Variants in MKNK1 observed in about 807,000 individuals in gnomAD.
MKNK1 encodes the protein MAP kinase-interacting serine/threonine-protein kinase 1.
In MKNK1, 30 loss-of-function variants were observed where a neutral mutation model predicts 49.3. That is an observed-to-expected ratio of 0.61 (90% confidence interval 0.46 to 0.83). The LOEUF (loss-of-function observed/expected upper bound fraction) is 0.83, where lower values mean the gene tolerates loss of function less well. Among genes scored for constraint, MKNK1 ranks in the 40% least tolerant of loss-of-function variants. The pLI, the probability that MKNK1 is intolerant of heterozygous loss-of-function variation, is 0.00. For missense variants in MKNK1, 423 were observed against 524.7 expected, an observed-to-expected ratio of 0.81 and a Z score of 1.89; for synonymous variants, 176 against 201.7, an observed-to-expected ratio of 0.87 and a Z score of 1.08.
At chr1:46,568,285 G>C (rs1669450150) in intron 8 of MKNK1, 158 bp downstream of exon 8, 2 of 671,650 alleles carry the variant, frequency 3.0e-6, no homozygotes, top group Non-Finnish European at 5.2e-6. Context: ...AGGATGGGCA[G>C]AAACATCACA....
At chr1:46,562,598 C>A in intron 10 of MKNK1, 51 bp downstream of exon 10, 2 of 1,515,574 alleles carry the variant, frequency 1.3e-6, no homozygotes, top group Non-Finnish European at 1.8e-6. Flanking sequence ...ATCCCCCAAC[C>A]ACACTGACCC....
At chr1:46,600,624 G>A (rs185855758) in intron 1 of MKNK1, among the ~76,000 whole-genome samples, 3 of 152,194 alleles carry the variant, frequency 2.0e-5, no homozygotes, top group African/African-American at 4.8e-5. Flanking sequence ...TCTCACTCAC[G>A]GAGATCTGGG....
At chr1:46,602,694 T>C (rs1674898744) in intron 1 of MKNK1, among the ~76,000 whole-genome samples, 1 of 150,880 alleles carries the variant, frequency 6.6e-6, no homozygotes, top group Non-Finnish European at 1.5e-5. Flanking sequence ...GTGTATTTTA[T>C]GTGTGGCCCA....
At chr1:46,588,344 A>G (rs1044014362) in intron 2 of MKNK1, among the ~76,000 whole-genome samples, 1 of 152,200 alleles carries the variant, frequency 6.6e-6, no homozygotes, top group Non-Finnish European at 1.5e-5. Context: ...TTTCTCTAAT[A>G]CACATTGGAA....
At chr1:46,559,869 C>T (rs949326907) in intron 12 of MKNK1, 1 of 329,934 alleles carries the variant, frequency 3.0e-6, no homozygotes, top group Non-Finnish European at 5.8e-6. Flanking sequence ...CCGTACGTGC[C>T]CCTCACTTCT....
At chr1:46,597,198 G>A (rs866376365) in intron 1 of MKNK1, among the ~76,000 whole-genome samples, 5 of 151,514 alleles carry the variant, frequency 3.3e-5, no homozygotes, top group African/African-American at 7.3e-5. Context: ...TGGGCCTGGC[G>A]AGGCACCCAA....
intron 1 of MKNK1, among the ~76,000 whole-genome samples, chr1:46,600,713 G>A (rs1474603547): frequency 1.3e-5 from 2 of 152,326 alleles, no homozygotes; most frequent in East Asian, 3.9e-4. Context: ...ACCCAGAGTT[G>A]TGGAATTGGA....
chr1:46,594,564 C>T (rs944862848), intron 1 of MKNK1, among the ~76,000 whole-genome samples: 3 of 152,170 alleles, frequency 2.0e-5, no homozygotes, highest in Admixed American at 6.6e-5. Context: ...CCATTAAGCA[C>T]TGGAAGATTT....
intron 7 of MKNK1, chr1:46,569,608 T>C (rs1669738756): frequency 6.6e-6 from 1 of 152,264 alleles, no homozygotes; most frequent in South Asian, 2.1e-4. Flanking sequence ...AGTCCTCCGA[T>C]TCCCGACTAG....
At chr1:46,593,135 A>C (rs1673568691) in intron 2 of MKNK1, among the ~76,000 whole-genome samples, 2 of 152,190 alleles carry the variant, frequency 1.3e-5, no homozygotes. Context: ...GTAACACAGA[A>C]CACTTCAAAA....
chr1:46,564,782 G>C (rs921583014), intron 9 of MKNK1, among the ~76,000 whole-genome samples: 1 of 152,052 alleles, frequency 6.6e-6, no homozygotes, highest in Non-Finnish European at 1.5e-5. Context: ...GCCAGCCTGT[G>C]CTTATAGATA....
chr1:46,559,039 C>G (rs187322873), intron 12 of MKNK1, among the ~76,000 whole-genome samples: 257 of 152,330 alleles, frequency 1.7e-3, no homozygotes, highest in African/African-American at 6.1e-3. Context: ...CAAGCTCCCC[C>G]TTCTCCTCAG....
chr1:46,564,951 T>C, intron 9 of MKNK1, 90 bp downstream of exon 9: 1 of 1,285,164 alleles, frequency 7.8e-7, no homozygotes, highest in Non-Finnish European at 1.1e-6. Flanking sequence ...TCCACTTGGT[T>C]TTCCATCCTT....
Position 46,572,067 on chromosome 1 carries a change from G to T in MKNK1, c.453C>A (p.Thr151=). 6.2e-7 allele frequency: 1 copy of T among 1,613,920 alleles called. No homozygotes were observed. Among genetic ancestry groups the T allele is most frequent in the South Asian group, 1.1e-5 (1 of 91,068 alleles). The change falls in exon 7 of 13, where the codon ACC becomes ACA. Residue 151 remains threonine (T), a synonymous_variant. Transcript: ENST00000371945. Reference sequence around the variant, plus strand: ...CAAGGCAAAGGCTGGGTTCACCTTTGGTATGCAGGAAGTCAAGGGCAGCAG... The same window carrying T: ...CAAGGCAAAGGCTGGGTTCACCTTTTGTATGCAGGAAGTCAAGGGCAGCAG... ...DVAAALDFLH[T]KGIAHRDLKP... is the part of the protein sequence containing the mutation.
Position 46,562,699 on chromosome 1 carries a change from A to C in MKNK1, c.754T>G (p.Cys252Gly). 3 of 1,575,624 alleles carry C rather than the reference A, an allele frequency of 1.9e-6. No homozygotes were observed. The highest frequency in any genetic ancestry group is 2.6e-6 in the Non-Finnish European group (3 of 1,159,454). Residue 252 changes from cysteine to glycine, a missense_variant, in exon 10 of 13, where the codon TGC (cysteine) becomes GGC (glycine). Cys to Gly is a radical substitution (Grantham distance 159). Transcript: ENST00000371945. ...LSGYPPFVGH[C>G]GADCGWDRGE... ...CGGTCCCAGCCACAGTCGGCCCCGC[A>C]GTGACCCACGAAGGGTGGGTAGCCA...
chr1:46,561,795 C>T, intron 10 of MKNK1, 153 bp from the exon 11 acceptor site: 1 of 753,572 alleles, frequency 1.3e-6, no homozygotes, highest in Non-Finnish European at 2.1e-6. Context: ...CCCAGACTCA[C>T]CCCGCACTGT....
At position 46,562,859 on chromosome 1, in the gene MKNK1, T is replaced by C. The variant is rs774420397; in HGVS notation, c.610-16A>G. 1.9e-6 allele frequency: 3 copies of C among 1,593,710 alleles called. No homozygotes were observed. The highest frequency in any genetic ancestry group is 2.6e-6 in the Non-Finnish European group (3 of 1,170,292). ...CAGAGCCACACTGTGGGGGCCAGGG[T>C]TGGGGGAGGGGGAGATGGCAGAGAA... On this transcript the variant is annotated splice_polypyrimidine_tract_variant and intron_variant, in intron 9 of 12. Transcript: ENST00000371945.
rs1302572027 is a variant in MKNK1, at chr1:46,589,842, G to A, written c.-3+4271C>T. Among the ~76,000 whole-genome samples, 4 of 152,086 alleles carry A rather than the reference G, an allele frequency of 2.6e-5. No individual in the cohort carries two copies. The highest frequency in any genetic ancestry group is 9.7e-5 in the African/African-American group (4 of 41,390). ...TCTCCATAGTCTTATGAGCCACATTGTCCCCAAAGGAACCAGATCTGTACT... is the reference window on the plus strand; with the variant it reads ...TCTCCATAGTCTTATGAGCCACATTATCCCCAAAGGAACCAGATCTGTACT... On this transcript the variant is annotated intron_variant, in intron 2 of 12. Transcript: ENST00000371945. This position sits in a 1 kb window ranked among gnomAD's most constrained non-coding sequence, Gnocchi z 4.3.
intron 4 of MKNK1, 49 bp downstream of exon 4, chr1:46,580,481 G>T: frequency 8.0e-7 from 1 of 1,254,542 alleles, no homozygotes; most frequent in South Asian, 1.2e-5. Context: ...AGATGAGCTA[G>T]GAATGACTAT....
Sources: gnomAD v4.1 joint callset for allele counts (sites outside exome capture counted in the v4.1 genomes callset) on GRCh38, gnomAD v4.1.1 for gene constraint, Gnocchi (gnomAD v3.1) non-coding constraint, MANE v1.5 for transcripts, NCBI Gene and HGNC (gene_info 2026-07-23, HGNC 2026-07-21) for gene names.